The following PAX5 variants were observed in gnomAD, a reference collection of about 807,000 sequenced individuals.
PAX5 encodes the protein paired box 5.
PAX5 carries 9 observed loss-of-function variants against 43.7 expected under a neutral mutation model. The ratio of observed to expected loss-of-function variants is 0.21; its 90% CI spans 0.12 to 0.36. The LOEUF is 0.36. Ranked by LOEUF, PAX5 falls within the 10% of genes least tolerant of loss-of-function variation. The pLI, the probability that PAX5 is intolerant of heterozygous loss-of-function variation, is 1.00. For missense variants in PAX5, 383 were observed against 532.7 expected (o/e 0.72, Z 2.77); for synonymous variants, 228 against 214.3 (o/e 1.06, Z -0.56).
At chr9:36,984,431 C>T (rs973961257) in intron 5 of PAX5, among the ~76,000 whole-genome samples, 1 of 80,322 alleles carries the variant, frequency 1.2e-5, no homozygotes, top group South Asian at 6.0e-4. Context: ...GTTATTGAAC[C>T]TCTCTTTTTT....
intron 6 of PAX5, among the ~76,000 whole-genome samples, chr9:36,959,264 A>G (rs1833756336): frequency 1.3e-5 from 2 of 152,206 alleles, no homozygotes; most frequent in Admixed American, 6.5e-5. Context: ...AGCTCTCTGG[A>G]TTCTTAAACT....
At chr9:36,946,716 G>A (rs150690204) in intron 6 of PAX5, among the ~76,000 whole-genome samples, 38 of 152,270 alleles carry the variant, frequency 2.5e-4, no homozygotes, top group African/African-American at 8.7e-4. Context: ...GACACTTTGC[G>A]GTTTAAGTCC....
intron 8 of PAX5, among the ~76,000 whole-genome samples, chr9:36,866,772 G>A (rs1380665374): frequency 6.6e-6 from 1 of 152,096 alleles, no homozygotes; most frequent in Non-Finnish European, 1.5e-5. Flanking sequence ...ATCCTCATCT[G>A]CACAGCCCTG....
At chr9:36,965,781 C>A (rs1834376598) in intron 6 of PAX5, among the ~76,000 whole-genome samples, 1 of 152,196 alleles carries the variant, frequency 6.6e-6, no homozygotes, top group South Asian at 2.1e-4. Flanking sequence ...CATGTCTAGC[C>A]TGCAAGGTTA....
chr9:36,931,350 A>G (rs1831105809), intron 6 of PAX5, among the ~76,000 whole-genome samples: 1 of 152,144 alleles, frequency 6.6e-6, no homozygotes, highest in African/African-American at 2.4e-5. Context: ...GAGGATCTCT[A>G]AGTCTCCTTC....
At chr9:36,906,703 C>T (rs1352893431) in intron 7 of PAX5, among the ~76,000 whole-genome samples, 1 of 152,224 alleles carries the variant, frequency 6.6e-6, no homozygotes, top group African/African-American at 2.4e-5. Context: ...GCAAGCTCTC[C>T]CACCAGCCCC....
At chr9:36,988,662 C>CAAAAAAAAAAAA (rs139552622) in intron 5 of PAX5, among the ~76,000 whole-genome samples, 1 of 103,532 alleles carries the variant, frequency 9.7e-6, no homozygotes, top group African/African-American at 4.0e-5. Flanking sequence ...GACCCTGTCT[C>CAAAAAAAAAAAA]AAAAAAAAAA....
intron 8 of PAX5, among the ~76,000 whole-genome samples, chr9:36,875,289 T>C (rs1331957110): frequency 1.3e-5 from 2 of 152,248 alleles, no homozygotes; most frequent in Non-Finnish European, 2.9e-5. Flanking sequence ...TCAGCTACTG[T>C]GTCCTGAGTG....
intron 7 of PAX5, among the ~76,000 whole-genome samples, chr9:36,897,224 AG>A (rs1435663772): frequency 6.6e-6 from 1 of 152,178 alleles, no homozygotes; most frequent in Non-Finnish European, 1.5e-5. Context: ...GCCCAGAGGT[AG>A]GAACCGAGCT....
chr9:36,838,577 C>T lies in PAX5; in HGVS notation c.*1983G>A, dbSNP rs2131559392. The T allele has an allele frequency of 4.3e-6, 1 of 233,282 alleles. No individual in the cohort carries two copies. The highest frequency in any genetic ancestry group is 8.5e-6 in the Non-Finnish European group (1 of 118,052). 14.5% of individuals were successfully genotyped at this position (233,282 alleles called of 1,614,324 possible). A position where few individuals can be genotyped will look rare whatever the true frequency, so the allele number is the denominator to read the frequency against. ...TCCTGGCCTTCCCCAAGCTGGGCCTCAGTTTCCCACAAGGGAAGTTGGGCT... is the reference window on the plus strand; with the variant it reads ...TCCTGGCCTTCCCCAAGCTGGGCCTTAGTTTCCCACAAGGGAAGTTGGGCT... On this transcript the variant is annotated 3_prime_UTR_variant, in exon 10 of 10. Transcript: ENST00000358127.
intron 6 of PAX5, among the ~76,000 whole-genome samples, chr9:36,945,609 G>T (rs1563996235): frequency 1.3e-5 from 2 of 152,306 alleles, no homozygotes; most frequent in East Asian, 3.9e-4. Context: ...GCTATTTATA[G>T]ATCTGTTTAA....
At chr9:36,890,179 C>T (rs1827257196) in intron 7 of PAX5, among the ~76,000 whole-genome samples, 3 of 152,176 alleles carry the variant, frequency 2.0e-5, no homozygotes, top group African/African-American at 7.2e-5. Flanking sequence ...AACCAAACTC[C>T]CCCTCCATCT....
At position 36,877,513 on chromosome 9, in the gene PAX5, C is replaced by A. The variant is rs570313445; in HGVS notation, c.1012+4491G>T. Among the ~76,000 whole-genome samples the A allele has an allele frequency of 5.3e-5, 8 of 152,290 alleles. No homozygotes were observed. In the East Asian group the frequency reaches 9.6e-4, roughly 18 times the overall value. ...GATCTCACAGTGAAACAGATCATTGCAGCATAGCAACCTCAGAGAGACAAA... is the reference window on the plus strand; with the variant it reads ...GATCTCACAGTGAAACAGATCATTGAAGCATAGCAACCTCAGAGAGACAAA... On this transcript the variant is annotated intron_variant, in intron 8 of 9. Transcript: ENST00000358127.
chr9:36,881,828 C>T (rs1436024166), intron 8 of PAX5, among the ~76,000 whole-genome samples, 176 bp downstream of exon 8: 1 of 152,244 alleles, frequency 6.6e-6, no homozygotes, highest in East Asian at 1.9e-4. Flanking sequence ...GGTGCCGCTG[C>T]TGGCTGGTCC....
chr9:36,979,364 G>A (rs1835719858), intron 5 of PAX5, among the ~76,000 whole-genome samples: 1 of 152,174 alleles, frequency 6.6e-6, no homozygotes, highest in African/African-American at 2.4e-5. Context: ...ATTCATGGAA[G>A]CACAATTATT....
At chr9:36,898,338 T>C (rs995570291) in intron 7 of PAX5, among the ~76,000 whole-genome samples, 7 of 152,126 alleles carry the variant, frequency 4.6e-5, no homozygotes, top group African/African-American at 1.2e-4. Context: ...TGTCTACAAA[T>C]TGGGGCTAGT....
intron 7 of PAX5, among the ~76,000 whole-genome samples, chr9:36,913,224 G>A (rs1301423092): frequency 6.6e-6 from 1 of 152,204 alleles, no homozygotes; most frequent in Non-Finnish European, 1.5e-5. Flanking sequence ...CCCAGGGGGA[G>A]CCTCAGTCCC....
At chr9:36,940,760 G>A (rs758968168) in intron 6 of PAX5, among the ~76,000 whole-genome samples, 3 of 152,116 alleles carry the variant, frequency 2.0e-5, no homozygotes, top group African/African-American at 2.4e-5. Flanking sequence ...AATCATCTCC[G>A]TCCAGGAGTC....
chr9:36,944,412 G>A (rs1217201883), intron 6 of PAX5, among the ~76,000 whole-genome samples: 2 of 152,124 alleles, frequency 1.3e-5, no homozygotes, highest in African/African-American at 2.4e-5. Flanking sequence ...GAGCCAGGAC[G>A]GCACCCAGAC....
Sources: gnomAD v4.1 joint callset for allele counts (sites outside exome capture counted in the v4.1 genomes callset) on GRCh38, gnomAD v4.1.1 for gene constraint, MANE v1.5 for transcripts, NCBI Gene and HGNC (gene_info 2026-07-23, HGNC 2026-07-21) for gene names.